DACH1: variants seen among roughly 807,000 people sequenced by gnomAD.
DACH1 encodes dachshund homolog 1.
In DACH1, 12 loss-of-function variants were observed where a neutral mutation model predicts 54.2. The ratio of observed to expected loss-of-function variants is 0.22; its 90% CI spans 0.14 to 0.36. DACH1 has a LOEUF of 0.36. DACH1 is among the 10% of genes least tolerant of loss of function. The pLI is 1.00. For missense variants in DACH1, 805 were observed against 929.8 expected (o/e 0.87, Z 1.75); for synonymous variants, 386 against 366.2 (o/e 1.05, Z -0.62).
chr13:71,823,522 A>G (rs1195541166), intron 1 of DACH1, among the ~76,000 whole-genome samples: 1 of 152,102 alleles, frequency 6.6e-6, no homozygotes, highest in Non-Finnish European at 1.5e-5. Flanking sequence ...AATCCAAATC[A>G]TCATATAATG....
intron 10 of DACH1, 122 bp from the exon 11 acceptor site, chr13:71,440,814 A>T: frequency 1.4e-6 from 1 of 714,698 alleles, no homozygotes. Flanking sequence ...TTGGTTAAGA[A>T]GTAACATTTT....
At chr13:71,732,803 G>T (rs1360607748) in intron 1 of DACH1, among the ~76,000 whole-genome samples, 2 of 152,108 alleles carry the variant, frequency 1.3e-5, no homozygotes, top group South Asian at 2.1e-4. Flanking sequence ...AAAGCCTACA[G>T]ATATTTACTA....
intron 1 of DACH1, among the ~76,000 whole-genome samples, chr13:71,772,255 GTTCT>G (rs1329425235): frequency 6.6e-6 from 1 of 151,594 alleles, no homozygotes; most frequent in African/African-American, 2.4e-5. Context: ...TAGACAATGG[GTTCT>G]TTATGAATAT....
chr13:71,765,031 T>C (rs1885561983), intron 1 of DACH1, among the ~76,000 whole-genome samples: 1 of 152,204 alleles, frequency 6.6e-6, no homozygotes, highest in Admixed American at 6.5e-5. Context: ...GAAAGTTCCA[T>C]TCATTCCAAT....
intron 2 of DACH1, among the ~76,000 whole-genome samples, chr13:71,631,542 T>C (rs1877102688): frequency 6.6e-6 from 1 of 152,204 alleles, no homozygotes; most frequent in Admixed American, 6.5e-5. Flanking sequence ...TACAATGTAA[T>C]GAAAGCTAAC....
chr13:71,553,641 T>G (rs1593883299), intron 6 of DACH1, among the ~76,000 whole-genome samples: 1 of 143,664 alleles, frequency 7.0e-6, no homozygotes, highest in East Asian at 2.0e-4. Flanking sequence ...TTTTTGTATT[T>G]TATATATATA....
intron 1 of DACH1, among the ~76,000 whole-genome samples, chr13:71,733,009 A>G (rs1318849366): frequency 6.6e-6 from 1 of 152,074 alleles, no homozygotes; most frequent in Non-Finnish European, 1.5e-5. Context: ...TCTGTCTGGA[A>G]TGCCTTTCCC....
chr13:71,825,590 C>G (rs1375013811), intron 1 of DACH1, among the ~76,000 whole-genome samples: 1 of 151,982 alleles, frequency 6.6e-6, no homozygotes, highest in Non-Finnish European at 1.5e-5. Flanking sequence ...TCACTTAGCG[C>G]AATGTTTTCA....
chr13:71,789,572 A>G (rs1274722940), intron 1 of DACH1, among the ~76,000 whole-genome samples: 2 of 152,106 alleles, frequency 1.3e-5, no homozygotes, highest in African/African-American at 4.8e-5. Flanking sequence ...ACCTTTTTCT[A>G]TATCTGTAAG....
intron 10 of DACH1, among the ~76,000 whole-genome samples, chr13:71,464,227 A>T (rs1460148247): frequency 6.6e-6 from 1 of 151,618 alleles, no homozygotes; most frequent in Non-Finnish European, 1.5e-5. Context: ...CATTGTCATT[A>T]AAAAAAATGA....
intron 2 of DACH1, among the ~76,000 whole-genome samples, chr13:71,671,668 G>A (rs1319046148): frequency 6.6e-6 from 1 of 152,008 alleles, no homozygotes; most frequent in African/African-American, 2.4e-5. Context: ...GTTAGCGAGG[G>A]AGAATAAGTT....
chr13:71,548,125 T>G (rs994125445), intron 6 of DACH1, among the ~76,000 whole-genome samples: 1 of 152,204 alleles, frequency 6.6e-6, no homozygotes, highest in Non-Finnish European at 1.5e-5. Flanking sequence ...ACTTTCTCTT[T>G]TTAAAAATTT....
intron 1 of DACH1, among the ~76,000 whole-genome samples, chr13:71,694,256 T>C (rs1881698951): frequency 2.6e-5 from 4 of 152,048 alleles, no homozygotes. Flanking sequence ...GTGTAATGCA[T>C]GAGGAGCTGT....
At chr13:71,707,600 A>C (rs1169892900) in intron 1 of DACH1, among the ~76,000 whole-genome samples, 1 of 152,212 alleles carries the variant, frequency 6.6e-6, no homozygotes, top group African/African-American at 2.4e-5. Context: ...AGACGTAATA[A>C]TTAGGCTCTT....
chr13:71,473,571 C>A (rs1303366815), intron 10 of DACH1, among the ~76,000 whole-genome samples: 2 of 152,146 alleles, frequency 1.3e-5, no homozygotes, highest in African/African-American at 4.8e-5. Context: ...TTATTAACAA[C>A]CAACATGTTG....
intron 2 of DACH1, among the ~76,000 whole-genome samples, chr13:71,646,830 A>C (rs1247631545): frequency 1.3e-5 from 2 of 152,204 alleles, no homozygotes. Context: ...CAATAAATAC[A>C]CTCTGATTAA....
intron 1 of DACH1, among the ~76,000 whole-genome samples, chr13:71,718,861 TTA>T (rs1430419054): frequency 6.6e-6 from 1 of 152,206 alleles, no homozygotes; most frequent in Non-Finnish European, 1.5e-5. Flanking sequence ...CCTTAGGATC[TTA>T]TGTTATCCTG....
At chr13:71,538,485 T>C (rs962694513) in intron 6 of DACH1, among the ~76,000 whole-genome samples, 2 of 152,032 alleles carry the variant, frequency 1.3e-5, no homozygotes, top group African/African-American at 4.8e-5. Flanking sequence ...ATAAGAATTC[T>C]GAGCAAGGAA....
chr13:71,527,996 T>C (rs1045477883), intron 6 of DACH1, among the ~76,000 whole-genome samples: 6 of 152,130 alleles, frequency 3.9e-5, no homozygotes, highest in African/African-American at 1.4e-4. Context: ...AACAATGTTA[T>C]GGGAAACAAT....
Sources: gnomAD v4.1 joint callset for allele counts (sites outside exome capture counted in the v4.1 genomes callset) on GRCh38, gnomAD v4.1.1 for gene constraint, MANE v1.5 for transcripts, NCBI Gene and HGNC (gene_info 2026-07-23, HGNC 2026-07-21) for gene names.